Variants in TDRD9 observed in about 807,000 individuals in gnomAD.
TDRD9 encodes tudor domain containing 9.
Under a neutral mutation model 172.6 loss-of-function variants are expected in TDRD9, and 124 were observed. The ratio of observed to expected loss-of-function variants is 0.72; its 90% CI spans 0.62 to 0.83. The LOEUF (loss-of-function observed/expected upper bound fraction) is 0.83. TDRD9 is among the 40% of genes least tolerant of loss of function. The probability of loss-of-function intolerance (pLI) is 0.00; values close to 1 mark genes in which losing one functional copy is unlikely to be tolerated. For missense variants in TDRD9, 1,479 were observed against 1,714.1 expected (o/e 0.86, Z 2.42); for synonymous variants, 619 against 617.1 (o/e 1.00, Z -0.05).
At position 104,000,535 on chromosome 14, in the gene TDRD9, A is replaced by G. The variant is rs539374853; in HGVS notation, c.1483+1807A>G. ...TGTGGTGGCTTGTGCCTGTAATCCC[A>G]GCACTTCGGGAGGCTGAGGCTGGTG... On this transcript the variant is annotated intron_variant, in intron 13 of 35. Transcript: ENST00000409874. Among the ~76,000 whole-genome samples, 50 of 152,334 alleles carry G rather than the reference A, an allele frequency of 3.3e-4. No homozygotes were observed. The South Asian group carries it at 0.01, about 32-fold the overall frequency.
At chr14:104,009,711 A>G (rs954878799) in intron 20 of TDRD9, among the ~76,000 whole-genome samples, 1 of 152,160 alleles carries the variant, frequency 6.6e-6, no homozygotes, top group South Asian at 2.1e-4. Flanking sequence ...TTGTACAGCT[A>G]TGCAAAAATA....
chr14:103,966,643 A>G, intron 4 of TDRD9, 66 bp from the exon 5 acceptor site: 1 of 1,401,440 alleles, frequency 7.1e-7, no homozygotes, highest in African/African-American at 1.4e-5. Context: ...CCCCCATTAT[A>G]TTAATAAAAT....
At chr14:104,014,122 G>A (rs1011016533) in intron 20 of TDRD9, among the ~76,000 whole-genome samples, 16 of 151,144 alleles carry the variant, frequency 1.1e-4, no homozygotes, top group African/African-American at 3.4e-4. Flanking sequence ...CCAGCTACTC[G>A]GGAAGCTGAA....
chr14:103,966,264 G>C (rs139641581), intron 4 of TDRD9, among the ~76,000 whole-genome samples: 2,497 of 152,316 alleles, frequency 0.016, 70 homozygotes, highest in African/African-American at 0.057. Context: ...CCGGGAGGCA[G>C]AGGTTGCAGT....
At chr14:103,981,153 T>TG (rs2033459851) in intron 7 of TDRD9, among the ~76,000 whole-genome samples, 1 of 152,206 alleles carries the variant, frequency 6.6e-6, no homozygotes, top group Non-Finnish European at 1.5e-5. Context: ...GTGATCCTCT[T>TG]GCTTTGGTCT....
intron 2 of TDRD9, among the ~76,000 whole-genome samples, chr14:103,961,590 G>GA (rs559475243): frequency 1.0e-3 from 143 of 138,498 alleles, no homozygotes; most frequent in African/African-American, 1.8e-3. Flanking sequence ...AAGAAAAAAG[G>GA]AAAAAAAAAA....
At chr14:103,936,045 C>T (rs1423669928) in intron 1 of TDRD9, among the ~76,000 whole-genome samples, 2 of 152,036 alleles carry the variant, frequency 1.3e-5, no homozygotes, top group Non-Finnish European at 2.9e-5. Flanking sequence ...GTGATGTTAC[C>T]TATTTACCAT....
At chr14:103,948,225 C>T (rs991423403) in intron 1 of TDRD9, among the ~76,000 whole-genome samples, 16 of 151,698 alleles carry the variant, frequency 1.1e-4, no homozygotes, top group Non-Finnish European at 2.1e-4. Flanking sequence ...CTATGTTGCT[C>T]AGGCTGGTCT....
In TDRD9 at chr14:103,980,571, G is replaced by A. The variant is rs2033433035; in HGVS notation, c.1011+5018G>A. 1.3e-5 allele frequency among the ~76,000 whole-genome samples: 2 copies of A among 152,348 alleles called. No individual in the cohort carries two copies. The highest frequency in any genetic ancestry group is 1.3e-4 in the Admixed American group (2 of 15,306). ...CTAGGAGTGTGACCACTGAAGCACA[G>A]CATCACAGGGAGACGGTTAGGCCTC... is the stretch of plus-strand genomic sequence containing the variant. On this transcript the variant is annotated intron_variant, in intron 7 of 35. Transcript: ENST00000409874. The surrounding 1 kb of genome is among the most constrained non-coding windows in gnomAD (Gnocchi z 4.5).
At chr14:104,041,170 CT>C (rs2035602161) in intron 33 of TDRD9, among the ~76,000 whole-genome samples, 1 of 152,172 alleles carries the variant, frequency 6.6e-6, no homozygotes, top group African/African-American at 2.4e-5. Flanking sequence ...TCAGTGTTGT[CT>C]CTGCAACTGT....
intron 22 of TDRD9, among the ~76,000 whole-genome samples, chr14:104,017,537 G>A (rs561291331): frequency 5.9e-5 from 9 of 152,306 alleles, no homozygotes; most frequent in South Asian, 2.1e-4. Flanking sequence ...CTTCTGTCAC[G>A]GAGCCCCGTG....
intron 1 of TDRD9, among the ~76,000 whole-genome samples, chr14:103,944,812 G>A (rs927518619): frequency 1.4e-4 from 21 of 152,076 alleles, no homozygotes; most frequent in African/African-American, 2.4e-4. Flanking sequence ...TGATCTGTTC[G>A]TCTTGGCCTC....
At chr14:103,995,964 C>G (rs953991479) in intron 12 of TDRD9, among the ~76,000 whole-genome samples, 157 bp downstream of exon 12, 9 of 152,218 alleles carry the variant, frequency 5.9e-5, no homozygotes, top group Non-Finnish European at 1.3e-4. Flanking sequence ...TTCTCCCATA[C>G]TCTCAGTTCA....
At position 103,940,682 on chromosome 14, in the gene TDRD9, A is replaced by G. The variant is rs982011113; in HGVS notation, c.215+11958A>G. On this transcript the variant is annotated intron_variant, in intron 1 of 35. Transcript: ENST00000409874. Reference sequence around the variant, plus strand: ...TTAAAAAAAGAACACTATTTAAAACATAGGCTACATCCACAGGATACTGAC... The same window carrying G: ...TTAAAAAAAGAACACTATTTAAAACGTAGGCTACATCCACAGGATACTGAC... The G allele has an allele frequency of 4.6e-5, 29 of 629,546 alleles. No individual in the cohort carries two copies. The African/African-American group carries it at 4.9e-4, about 11-fold the overall frequency. The allele number at this position is 629,546 out of a possible 1,614,324, so 39.0% of individuals were successfully genotyped here.
chr14:104,006,820 G>A lies in TDRD9; in HGVS notation c.1982G>A (p.Cys661Tyr). The part of the protein sequence containing the change: ...VNFSGSSKSD[C>Y]IALVEAFKTW... ...TTCTCTGGCAGTAGCAAGAGTGACT[G>A]TATTGCACTTGTTGAGGCATTTAAA... The change falls in exon 18 of 36, where the codon TGT becomes TAT. Residue 661 changes from cysteine to tyrosine, a missense_variant. Physicochemically the swap from Cys to Tyr is radical, Grantham distance 194. Around this residue, in one of 3 missense-constraint regions of TDRD9, gnomAD observed 1,413 missense variants for 1,649.1 expected, o/e 0.86. Transcript: ENST00000409874. 6.2e-7 allele frequency: 1 copy of A among 1,613,280 alleles called. No homozygotes were observed. The highest frequency in any genetic ancestry group is 8.5e-7 in the Non-Finnish European group (1 of 1,179,534).
intron 1 of TDRD9, among the ~76,000 whole-genome samples, chr14:103,951,029 C>G (rs538380368): frequency 6.6e-5 from 10 of 152,254 alleles, no homozygotes; most frequent in Admixed American, 1.3e-4. Context: ...CCCTTTAAAA[C>G]CTTTGTCTTT....
At chr14:103,981,245 C>T (rs1296102628) in intron 7 of TDRD9, among the ~76,000 whole-genome samples, 3 of 152,090 alleles carry the variant, frequency 2.0e-5, no homozygotes, top group Non-Finnish European at 2.9e-5. Context: ...GATGGTTTAC[C>T]AGTCTTCTTT....
intron 2 of TDRD9, among the ~76,000 whole-genome samples, chr14:103,959,307 A>G (rs918062237): frequency 6.6e-6 from 1 of 152,164 alleles, no homozygotes; most frequent in Admixed American, 6.5e-5. Context: ...TATGTTGCCC[A>G]GGTAGGCCTT....
intron 1 of TDRD9, among the ~76,000 whole-genome samples, chr14:103,946,176 C>G (rs1474413397): frequency 6.6e-6 from 1 of 152,046 alleles, no homozygotes; most frequent in African/African-American, 2.4e-5. Flanking sequence ...CACCATGTTG[C>G]CCAGGCTGGT....
Sources: allele counts gnomAD v4.1 joint callset (sites outside exome capture counted in the v4.1 genomes callset), GRCh38; gene constraint gnomAD v4.1.1; regional missense constraint gnomAD v4.1.1; non-coding constraint Gnocchi (gnomAD v3.1); transcripts MANE v1.5; gene names NCBI Gene and HGNC (gene_info 2026-07-23, HGNC 2026-07-21).